The following RSPH9 variants were observed in gnomAD, a reference collection of about 807,000 sequenced individuals.
The protein encoded by RSPH9 is radial spoke head protein 9 homolog.
A neutral mutation model predicts 27.0 loss-of-function variants in RSPH9; 27 were observed. The ratio of observed to expected loss-of-function variants is 1.00; its 90% CI spans 0.74 to 1.38. The LOEUF (loss-of-function observed/expected upper bound fraction) is 1.38. RSPH9 is among the 40% of genes most tolerant of loss of function. The pLI, the probability that RSPH9 is intolerant of heterozygous loss-of-function variation, is 0.00. For missense variants in RSPH9, 347 were observed against 357.4 expected, an observed-to-expected ratio of 0.97 and a Z score of 0.24; for synonymous variants, 145 against 147.7, an observed-to-expected ratio of 0.98 and a Z score of 0.13.
rs1190845409 is a variant in RSPH9, at chr6:43,650,544, A to G, written c.393+4A>G. ...AGTCTTTGAAGAAGAAATAGTGGTG[A>G]GTGAAGAGGAGAGCAGGAGGAGGGC... On this transcript the variant is annotated splice_donor_region_variant and intron_variant, in intron 2 of 4. Transcript: ENST00000372163. 6.2e-7 allele frequency: 1 copy of G among 1,613,958 alleles called. No homozygotes were observed. Among genetic ancestry groups the G allele is most frequent in the Non-Finnish European group, 8.5e-7 (1 of 1,179,912 alleles).
Position 43,672,595 on chromosome 6 carries a change from T to C in RSPH9, c.*1646T>C, listed in dbSNP as rs1215655096. 3.0e-6 allele frequency: 1 copy of C among 332,608 alleles called. No homozygotes were observed. The highest frequency in any genetic ancestry group is 6.3e-6 in the Non-Finnish European group (1 of 157,870). The allele number at this position is 332,608 out of a possible 1,614,324, so 20.6% of individuals were successfully genotyped here. On this transcript the variant is annotated 3_prime_UTR_variant, in exon 5 of 5. Transcript: ENST00000372163. ...TCTGTCCAGAATAAAACTTGGATCCTGTCCAGAAAGGCCCATCCTTCATTC... is the reference window on the plus strand; with the variant it reads ...TCTGTCCAGAATAAAACTTGGATCCCGTCCAGAAAGGCCCATCCTTCATTC...
intron 4 of RSPH9, chr6:43,666,553 CCAAAGT>C: frequency 7.2e-7 from 1 of 1,392,184 alleles, no homozygotes; most frequent in South Asian, 1.3e-5. Flanking sequence ...TGTCCCTTGG[CCAAAGT>C]GACAAGAGAC....
intron 1 of RSPH9, 50 bp downstream of exon 1, chr6:43,645,375 AGGGCGGGGTGGGCGGGT>A: frequency 1.5e-5 from 2 of 134,650 alleles, no homozygotes; most frequent in Non-Finnish European, 2.9e-5. Flanking sequence ...ACCTGGAGGC[AGGGCGGGGTGGGCGGGT>A]CGCAGCAATT....
intron 4 of RSPH9, among the ~76,000 whole-genome samples, chr6:43,661,851 AG>A (rs1383560220): frequency 6.6e-6 from 1 of 152,168 alleles, no homozygotes; most frequent in Non-Finnish European, 1.5e-5. Flanking sequence ...TTTATGTGAC[AG>A]GGACAGCTTC....
chr6:43,667,891 T>G (rs1197529805), intron 4 of RSPH9, among the ~76,000 whole-genome samples: 2 of 152,132 alleles, frequency 1.3e-5, no homozygotes, highest in East Asian at 3.9e-4. Context: ...TGTCCCTCGA[T>G]CTTAATCCCA....
chr6:43,671,831 C>G lies in RSPH9; in HGVS notation c.*882C>G. On this transcript the variant is annotated 3_prime_UTR_variant, in exon 5 of 5. Coordinates refer to ENST00000372163, the MANE Select transcript of RSPH9 (RefSeq NM_152732.5). Reference sequence around the variant, plus strand: ...CCCTCAGAAGGGGTGACCCCACGGGCATGCGCACCCTGTTCCAGCGGGGGC... The same window carrying G: ...CCCTCAGAAGGGGTGACCCCACGGGGATGCGCACCCTGTTCCAGCGGGGGC... 1.2e-6 allele frequency: 2 copies of G among 1,614,180 alleles called. No individual in the cohort carries two copies. The highest frequency in any genetic ancestry group is 1.7e-6 in the Non-Finnish European group (2 of 1,180,022).
At chr6:43,666,136 T>C (rs1242372139) in intron 4 of RSPH9, among the ~76,000 whole-genome samples, 1 of 152,152 alleles carries the variant, frequency 6.6e-6, no homozygotes, top group African/African-American at 2.4e-5. Flanking sequence ...TAGGCCCACC[T>C]TTTTCTCACG....
At chr6:43,647,663 G>A (rs1412955622) in intron 1 of RSPH9, among the ~76,000 whole-genome samples, 1 of 152,190 alleles carries the variant, frequency 6.6e-6, no homozygotes, top group Non-Finnish European at 1.5e-5. Context: ...TTGATGTGAG[G>A]TGCCTGAGTT....
intron 2 of RSPH9, among the ~76,000 whole-genome samples, chr6:43,651,674 G>A (rs530100053): frequency 2.0e-5 from 3 of 151,804 alleles, no homozygotes; most frequent in East Asian, 2.0e-4. Context: ...TCAGCCTCCC[G>A]AGTAGCTGGG....
At chr6:43,661,105 C>T (rs1772564173) in intron 4 of RSPH9, among the ~76,000 whole-genome samples, 1 of 152,204 alleles carries the variant, frequency 6.6e-6, no homozygotes, top group African/African-American at 2.4e-5. Context: ...TTTCTCTGAG[C>T]AGTAGGTCTC....
chr6:43,666,610 T>C, intron 4 of RSPH9: 2 of 832,562 alleles, frequency 2.4e-6, no homozygotes, highest in Non-Finnish European at 3.8e-6. Context: ...GTTGTCCTCA[T>C]GAGTTGTCAT....
intron 4 of RSPH9, among the ~76,000 whole-genome samples, chr6:43,668,120 A>C (rs9462918): frequency 0.039 from 5,927 of 152,168 alleles, 403 homozygotes; most frequent in African/African-American, 0.13. Flanking sequence ...GAGAGAAGAG[A>C]GAGCGGGGGC....
At position 43,671,056 on chromosome 6, in the gene RSPH9, G is replaced by A. The variant is rs374848320; in HGVS notation, c.*107G>A. ...GTCCTATCTTCTTAACTCCACCTCC[G>A]TCTGGTTCCAGATTCTGAAAGGCCC... is the stretch of plus-strand genomic sequence containing the variant. On this transcript the variant is annotated 3_prime_UTR_variant, in exon 5 of 5. Transcript: ENST00000372163. The A allele has an allele frequency of 6.0e-5, 84 of 1,399,678 alleles. No homozygotes were observed. The East Asian group carries it at 7.3e-4, about 12-fold the overall frequency. The allele number at this position is 1,399,678 out of a possible 1,614,324, so 86.7% of individuals were successfully genotyped here. A position where few individuals can be genotyped will look rare whatever the true frequency, so the allele number is the denominator to read the frequency against.
rs370430941 is a variant in RSPH9, at chr6:43,671,912, G to A, written c.*963G>A. On this transcript the variant is annotated 3_prime_UTR_variant, in exon 5 of 5. Transcript: ENST00000372163. Reference sequence around the variant, plus strand: ...GAGCCCAGCGCGTCAGGTACCTGTGGAGGGAGAACAAAGAGGTGCCTGTGA... The same window carrying A: ...GAGCCCAGCGCGTCAGGTACCTGTGAAGGGAGAACAAAGAGGTGCCTGTGA... 6.4e-5 allele frequency: 102 copies of A among 1,597,248 alleles called. No individual in the cohort carries two copies. Among genetic ancestry groups the A allele is most frequent in the Non-Finnish European group, 8.2e-5 (96 of 1,171,526 alleles).
chr6:43,669,679 G>T (rs1021486742), intron 4 of RSPH9, among the ~76,000 whole-genome samples: 1 of 152,252 alleles, frequency 6.6e-6, no homozygotes. Flanking sequence ...GGCTGGGCCG[G>T]GAGAGGCCTC....
At chr6:43,653,010 G>A (rs1224841322) in intron 2 of RSPH9, among the ~76,000 whole-genome samples, 1 of 151,690 alleles carries the variant, frequency 6.6e-6, no homozygotes, top group Non-Finnish European at 1.5e-5. Context: ...TGTAGAGATG[G>A]GGTCTTGCTA....
At chr6:43,656,455 G>A in intron 3 of RSPH9, 122 bp from the exon 4 acceptor site, 1 of 1,121,952 alleles carries the variant, frequency 8.9e-7, no homozygotes, top group Non-Finnish European at 1.4e-6. Flanking sequence ...CCTTCCTTTA[G>A]CTCTCTGACA....
intron 4 of RSPH9, among the ~76,000 whole-genome samples, chr6:43,662,315 T>C (rs1425234767): frequency 1.3e-5 from 2 of 152,102 alleles, no homozygotes; most frequent in African/African-American, 4.8e-5. Flanking sequence ...CGGTTTGATT[T>C]CCTATCTAGA....
At chr6:43,659,386 C>CTT (rs749619372) in intron 4 of RSPH9, among the ~76,000 whole-genome samples, 11 of 143,004 alleles carry the variant, frequency 7.7e-5, no homozygotes, top group Non-Finnish European at 9.2e-5. Context: ...CCATGCCCGG[C>CTT]TTTTTTTTTT....
Sources: gnomAD v4.1 joint callset for allele counts (sites outside exome capture counted in the v4.1 genomes callset) on GRCh38, gnomAD v4.1.1 for gene constraint, MANE v1.5 for transcripts, NCBI Gene and HGNC (gene_info 2026-07-23, HGNC 2026-07-21) for gene names.